DDX59: variants seen among roughly 807,000 people sequenced by gnomAD.
DDX59 encodes the protein DEAD-box helicase 59.
In DDX59, 30 loss-of-function variants were observed where a neutral mutation model predicts 51.9. The observed-to-expected ratio is 0.58, with a 90% confidence interval of 0.43 to 0.78. The LOEUF (loss-of-function observed/expected upper bound fraction) is 0.78. Ranked by LOEUF, DDX59 falls within the 30% of genes least tolerant of loss-of-function variation. The pLI is 0.00. For synonymous variants in DDX59, 255 were observed against 253.3 expected (o/e 1.01, Z -0.06); for missense variants, 672 against 730.8 (o/e 0.92, Z 0.93).
intron 1 of DDX59, among the ~76,000 whole-genome samples, chr1:200,667,433 G>A (rs1553271653): frequency 6.6e-6 from 1 of 152,200 alleles, no homozygotes; most frequent in Non-Finnish European, 1.5e-5. Flanking sequence ...AGGACATCAT[G>A]ACACTCTTTA....
At chr1:200,653,552 AT>A (rs1432915001) in intron 4 of DDX59, among the ~76,000 whole-genome samples, 2 of 152,184 alleles carry the variant, frequency 1.3e-5, no homozygotes, top group African/African-American at 4.8e-5. Context: ...TATAAATCAG[AT>A]CTTCATCCTC....
chr1:200,661,680 T>G (rs1402509924), intron 3 of DDX59, among the ~76,000 whole-genome samples: 1 of 152,234 alleles, frequency 6.6e-6, no homozygotes, highest in Non-Finnish European at 1.5e-5. Flanking sequence ...ATGCAACATG[T>G]GATTCTGAAC....
intron 4 of DDX59, among the ~76,000 whole-genome samples, chr1:200,656,964 C>A (rs1251159049): frequency 6.6e-6 from 1 of 151,846 alleles, no homozygotes; most frequent in Non-Finnish European, 1.5e-5. Context: ...AGAATTACTT[C>A]TCAGGCCGGG....
chr1:200,668,917 T>C (rs1662966370), intron 1 of DDX59, among the ~76,000 whole-genome samples: 1 of 152,174 alleles, frequency 6.6e-6, no homozygotes, highest in Non-Finnish European at 1.5e-5. Flanking sequence ...ACCGATTGAG[T>C]TGCCCCGCCT....
Position 200,659,697 on chromosome 1 carries a change from G to A in DDX59, c.973-581C>T, listed in dbSNP as rs547159016. ...TTATAACATGTTAGTGGCTAACAAT[G>A]GGGGCTTTTTGTTGTTGTTGTTGAT... On this transcript the variant is annotated intron_variant, in intron 3 of 7. Coordinates refer to ENST00000331314, the MANE Select transcript of DDX59 (RefSeq NM_001031725.6). Among the ~76,000 whole-genome samples the A allele has an allele frequency of 3.3e-5, 5 of 152,270 alleles. No individual in the cohort carries two copies. In the South Asian group the frequency reaches 8.3e-4, roughly 25 times the overall value.
At chr1:200,657,442 G>T (rs1166083654) in intron 4 of DDX59, among the ~76,000 whole-genome samples, 3 of 151,080 alleles carry the variant, frequency 2.0e-5, no homozygotes, top group Admixed American at 6.6e-5. Context: ...GCAGTAGCAG[G>T]ACTCTTCAGT....
intron 4 of DDX59, among the ~76,000 whole-genome samples, chr1:200,656,554 G>C (rs1443671173): frequency 6.6e-6 from 1 of 152,088 alleles, no homozygotes; most frequent in East Asian, 1.9e-4. Flanking sequence ...GTATATAACT[G>C]ATTATGTTTA....
rs1661174364 is a variant in DDX59, at chr1:200,644,532, A to G, written c.1597-15T>C. ...ACTCTTCCAATCTGAAATAAAATGC[A>G]AAGAACATTTTCAAGATGTCCATGT... On this transcript the variant is annotated splice_polypyrimidine_tract_variant and intron_variant, in intron 7 of 7. Coordinates refer to ENST00000331314, the MANE Select transcript of DDX59 (RefSeq NM_001031725.6). 2.6e-6 allele frequency: 4 copies of G among 1,546,352 alleles called. No individual in the cohort carries two copies. The highest frequency in any genetic ancestry group is 2.5e-5 in the South Asian group (2 of 80,246).
At chr1:200,649,642 A>AC (rs1459255067) in intron 5 of DDX59, among the ~76,000 whole-genome samples, 1 of 149,968 alleles carries the variant, frequency 6.7e-6, no homozygotes, top group Non-Finnish European at 1.5e-5. Flanking sequence ...AAAAAAAAAA[A>AC]ACACAAAACA....
chr1:200,652,653 G>A (rs998085451), intron 4 of DDX59, among the ~76,000 whole-genome samples: 1 of 148,398 alleles, frequency 6.7e-6, no homozygotes, highest in African/African-American at 2.5e-5. Flanking sequence ...AATGCAGAGT[G>A]GGCCATAAAA....
Position 200,644,054 on chromosome 1 carries a change from T to G in DDX59, c.*200A>C. ...AAACTTCATCCAGAAAAGAAAACACTGTCTTTTATTTAATAATTCATTTTC... is the reference window on the plus strand; with the variant it reads ...AAACTTCATCCAGAAAAGAAAACACGGTCTTTTATTTAATAATTCATTTTC... On this transcript the variant is annotated 3_prime_UTR_variant, in exon 8 of 8. Transcript: ENST00000331314. The G allele has an allele frequency of 1.9e-6, 1 of 521,220 alleles. No individual in the cohort carries two copies. Among genetic ancestry groups the G allele is most frequent in the Non-Finnish European group, 2.5e-6 (1 of 395,506 alleles). 32.3% of individuals were successfully genotyped at this position (521,220 alleles called of 1,614,324 possible). A position where few individuals can be genotyped will look rare whatever the true frequency, so the allele number is the denominator to read the frequency against.
chr1:200,646,509 T>C (rs903398710), intron 7 of DDX59, among the ~76,000 whole-genome samples: 1 of 152,190 alleles, frequency 6.6e-6, no homozygotes, highest in Non-Finnish European at 1.5e-5. Context: ...GTACATGACA[T>C]AATGTTCAAC....
At chr1:200,669,590 G>C (rs1663030061) in intron 1 of DDX59, 177 bp downstream of exon 1, 1 of 152,358 alleles carries the variant, frequency 6.6e-6, no homozygotes, top group African/African-American at 2.4e-5. Context: ...ACGTCACGGA[G>C]CTGCTAGGAG....
At position 200,644,215 on chromosome 1, in the gene DDX59, T is replaced by G; in HGVS notation, c.*39A>C. Reference sequence around the variant, plus strand: ...ATGCAAACCATAATTTTTTGCTGACTATATACAATAAAAAAAAATATTCAA... The same window carrying G: ...ATGCAAACCATAATTTTTTGCTGACGATATACAATAAAAAAAAATATTCAA... On this transcript the variant is annotated 3_prime_UTR_variant, in exon 8 of 8. Transcript: ENST00000331314. The G allele has an allele frequency of 6.9e-7, 1 of 1,449,744 alleles. No individual in the cohort carries two copies. Among genetic ancestry groups the G allele is most frequent in the African/African-American group, 1.4e-5 (1 of 69,724 alleles). 89.8% of individuals were successfully genotyped at this position (1,449,744 alleles called of 1,614,324 possible). A position where few individuals can be genotyped will look rare whatever the true frequency, so the allele number is the denominator to read the frequency against.
intron 1 of DDX59, among the ~76,000 whole-genome samples, chr1:200,668,239 C>T (rs545059283): frequency 6.6e-6 from 1 of 151,314 alleles, no homozygotes; most frequent in African/African-American, 2.4e-5. Context: ...ACCCGGGAAG[C>T]GGAGCTTGCA....
rs746570294 is a variant in DDX59 at position 200,650,459 on chromosome 1, G to C, written c.1280C>G (p.Pro427Arg). Residue 427 changes from proline to arginine, a missense_variant, in exon 5 of 8, where the codon CCA (proline) becomes CGA (arginine). Pro to Arg is a moderately radical substitution (Grantham distance 103). Coordinates refer to ENST00000331314, the MANE Select transcript of DDX59 (RefSeq NM_001031725.6). ...TTCAAATAATTTTTTCTTTTTGGCT[G>C]GGTCTTCTACCCACAAAATAATCTG... Reference protein sequence around the residue: ...VRQIILWVEDPAKKKKLFEIL... With the variant: ...VRQIILWVEDRAKKKKLFEIL... 2 of 1,612,052 alleles carry C rather than the reference G, an allele frequency of 1.2e-6. No homozygotes were observed. The highest frequency in any genetic ancestry group is 1.7e-6 in the Non-Finnish European group (2 of 1,179,200).
chr1:200,657,831 C>A (rs1220981247), intron 4 of DDX59, among the ~76,000 whole-genome samples: 2 of 151,802 alleles, frequency 1.3e-5, no homozygotes, highest in African/African-American at 4.8e-5. Flanking sequence ...GCAGGAGAAC[C>A]ACTTGAACGC....
Position 200,666,367 on chromosome 1 carries a change from T to A in DDX59, c.374A>T (p.Asp125Val). 6.2e-7 allele frequency: 1 copy of A among 1,614,196 alleles called. No individual in the cohort carries two copies. Among genetic ancestry groups the A allele is most frequent in the Non-Finnish European group, 8.5e-7 (1 of 1,180,034 alleles). Residue 125 changes from aspartate to valine, a missense_variant, in exon 2 of 8, where the codon GAT becomes GTT. Physicochemically the swap from Asp to Val is radical, Grantham distance 152 (BLOSUM62 -3). Coordinates refer to ENST00000331314, the MANE Select transcript of DDX59 (RefSeq NM_001031725.6). ...GEYICDKTDEDVCSLECKAKH... is the reference protein window; with the variant it reads ...GEYICDKTDEVVCSLECKAKH... ...CGCTTTACACTCCAAACTACACACA[T>A]CTTCATCTGTCTTATCACAGATATA...
rs1044197109 is a variant in DDX59, at chr1:200,669,896, G to T, written c.-141C>A. The T allele has an allele frequency of 8.8e-5, 2 of 22,604 alleles. No homozygotes were observed. The highest frequency in any genetic ancestry group is 3.7e-4 in the Admixed American group (1 of 2,730). 1.4% of individuals were successfully genotyped at this position (22,604 alleles called of 1,614,324 possible). ...AGGACTGCGGCCCGGGGTTGGTGGTGCGGAGCGGAGCGGAGCGGAGCGTAG... is the reference window on the plus strand; with the variant it reads ...AGGACTGCGGCCCGGGGTTGGTGGTTCGGAGCGGAGCGGAGCGGAGCGTAG... On this transcript the variant is annotated 5_prime_UTR_variant, in exon 1 of 8. Transcript: ENST00000331314.
Sources: gnomAD v4.1 joint callset for allele counts (sites outside exome capture counted in the v4.1 genomes callset) on GRCh38, gnomAD v4.1.1 for gene constraint, MANE v1.5 for transcripts, NCBI Gene and HGNC (gene_info 2026-07-23, HGNC 2026-07-21) for gene names.